Variants in MCTP1 observed in about 807,000 individuals in gnomAD.
The protein encoded by MCTP1 is multiple C2 and transmembrane domain-containing protein 1.
In MCTP1, 69 loss-of-function variants were observed where a neutral mutation model predicts 120.6. That is an observed-to-expected ratio of 0.57 (90% CI 0.47 to 0.70). The LOEUF is 0.70. MCTP1 is among the 30% of genes least tolerant of loss of function. The pLI is 0.00. For missense variants in MCTP1, 1,203 were observed against 1,248.8 expected (o/e 0.96, Z 0.55); for synonymous variants, 529 against 493.1 (o/e 1.07, Z -0.96).
chr5:94,721,379 A>G (rs904227048), intron 19 of MCTP1, among the ~76,000 whole-genome samples: 4 of 152,206 alleles, frequency 2.6e-5, no homozygotes, highest in African/African-American at 9.6e-5. Flanking sequence ...CCAAGTGCTG[A>G]TGTATGATTA....
Position 95,284,600 on chromosome 5 carries a change from C to CCCTCCTCCT in MCTP1, c.-34_-26dup, listed in dbSNP as rs61185942. On this transcript the variant is annotated 5_prime_UTR_variant, in exon 1 of 23. Transcript: ENST00000515393. This position sits in a 1 kb window ranked among gnomAD's most constrained non-coding sequence, Gnocchi z 5.2. ...TCCTCCACCCCCTGCTCCTCCTCTC[C>CCCTCCTCCT]CCTCCTCCTCCTCCTCCTCCTCCTG... 15 of 1,372,340 alleles carry CCCTCCTCCT rather than the reference C, an allele frequency of 1.1e-5. No homozygotes were observed. Among genetic ancestry groups the CCCTCCTCCT allele is most frequent in the African/African-American group, 3.1e-5 (2 of 63,728 alleles). 85.0% of individuals were successfully genotyped at this position (1,372,340 alleles called of 1,614,324 possible).
intron 1 of MCTP1, among the ~76,000 whole-genome samples, chr5:95,179,981 A>C (rs1393309858): frequency 6.6e-6 from 1 of 152,198 alleles, no homozygotes; most frequent in East Asian, 1.9e-4. Flanking sequence ...ACCAAAAGCA[A>C]GCAGGAGTAG....
At chr5:95,118,828 A>G (rs1758002428) in intron 1 of MCTP1, among the ~76,000 whole-genome samples, 1 of 152,242 alleles carries the variant, frequency 6.6e-6, no homozygotes, top group South Asian at 2.1e-4. Context: ...AATTCAGCAC[A>G]ATATTTAACA....
intron 19 of MCTP1, among the ~76,000 whole-genome samples, chr5:94,743,763 G>A (rs937221088): frequency 2.0e-5 from 3 of 150,016 alleles, no homozygotes; most frequent in South Asian, 2.1e-4. Context: ...TCAGCCTCCC[G>A]AGTAGCTGGG....
intron 2 of MCTP1, among the ~76,000 whole-genome samples, chr5:94,987,749 C>A (rs1201497733): frequency 3.3e-5 from 5 of 152,148 alleles, no homozygotes; most frequent in African/African-American, 1.2e-4. Flanking sequence ...TTCACTTCAT[C>A]ACTTTTTTAG....
At chr5:94,800,567 G>A (rs1448327399) in intron 17 of MCTP1, among the ~76,000 whole-genome samples, 1 of 152,078 alleles carries the variant, frequency 6.6e-6, no homozygotes, top group East Asian at 1.9e-4. Flanking sequence ...AGGAGACCAA[G>A]GTTCTGAGTT....
chr5:94,987,158 C>A (rs550568158), intron 2 of MCTP1, among the ~76,000 whole-genome samples: 1 of 152,240 alleles, frequency 6.6e-6, no homozygotes, highest in South Asian at 2.1e-4. Flanking sequence ...ATGGGAAAGG[C>A]TAACTGTGTT....
In MCTP1 at chr5:95,284,429, G is replaced by A. The variant is rs1427603724; in HGVS notation, c.147C>T (p.Arg49=). Residue 49 remains arginine (R), a synonymous_variant, in exon 1 of 23, where the codon CGC becomes CGT. Coordinates refer to ENST00000515393, the MANE Select transcript of MCTP1 (RefSeq NM_024717.7). This position sits in a 1 kb window ranked among gnomAD's most constrained non-coding sequence, Gnocchi z 5.2. The part of the protein sequence containing the change: ...GGGRAGGPER[R]TADTPSPSPP... ...GGGAGGGCGACGGGGTGTCCGCAGT[G>A]CGGCGCTCTGGACCCCCAGCGCGCC... The A allele has an allele frequency of 3.9e-6, 6 of 1,552,556 alleles. No individual in the cohort carries two copies. In the Admixed American group the frequency reaches 7.4e-5, roughly 19 times the overall value.
In MCTP1 at chr5:95,284,926, C is replaced by A. The variant is rs1257168556; in HGVS notation, c.-351G>T. Among the ~76,000 whole-genome samples the A allele has an allele frequency of 6.6e-6, 1 of 152,144 alleles. No homozygotes were observed. Among genetic ancestry groups the A allele is most frequent in the East Asian group, 1.9e-4 (1 of 5,162 alleles). Reference sequence around the variant, plus strand: ...CCACTGGCGTCCCCCAGGCCGCGCCCTGGCTCCCTCTTCTCTCTGACCGAG... The same window carrying A: ...CCACTGGCGTCCCCCAGGCCGCGCCATGGCTCCCTCTTCTCTCTGACCGAG... On this transcript the variant is annotated 5_prime_UTR_variant, in exon 1 of 23. It adds an upstream start codon to the 5' untranslated region. Coordinates refer to ENST00000515393, the MANE Select transcript of MCTP1 (RefSeq NM_024717.7). This position sits in a 1 kb window ranked among gnomAD's most constrained non-coding sequence, Gnocchi z 5.2.
intron 17 of MCTP1, among the ~76,000 whole-genome samples, chr5:94,829,840 A>G (rs1299915130): frequency 1.3e-5 from 2 of 152,148 alleles, no homozygotes; most frequent in African/African-American, 4.8e-5. Context: ...TTTTTCTTGA[A>G]GGTTCAGCCC....
At chr5:95,063,075 C>T (rs1298825492) in intron 1 of MCTP1, among the ~76,000 whole-genome samples, 1 of 152,198 alleles carries the variant, frequency 6.6e-6, no homozygotes, top group Admixed American at 6.5e-5. Context: ...GCCTCGGCCT[C>T]CCAAAGTGCT....
At chr5:95,199,342 G>C (rs1750742529) in intron 1 of MCTP1, among the ~76,000 whole-genome samples, 1 of 152,048 alleles carries the variant, frequency 6.6e-6, no homozygotes, top group Admixed American at 6.5e-5. Flanking sequence ...GAATACATAT[G>C]ATAAAGGCTT....
intron 1 of MCTP1, among the ~76,000 whole-genome samples, chr5:95,242,288 A>G (rs1002616010): frequency 6.6e-6 from 1 of 152,168 alleles, no homozygotes; most frequent in African/African-American, 2.4e-5. Flanking sequence ...TACAAAGTGG[A>G]AAACTATTAT....
At chr5:94,991,209 A>G (rs1831493244) in intron 2 of MCTP1, among the ~76,000 whole-genome samples, 1 of 152,196 alleles carries the variant, frequency 6.6e-6, no homozygotes, top group Admixed American at 6.5e-5. Context: ...AATTTTCTGC[A>G]TTACTGATAC....
chr5:95,151,814 C>A (rs1046974066), intron 1 of MCTP1, among the ~76,000 whole-genome samples: 3 of 152,208 alleles, frequency 2.0e-5, no homozygotes, highest in Admixed American at 2.0e-4. Context: ...TTCCTCTCTG[C>A]TTCATCCTTT....
intron 1 of MCTP1, among the ~76,000 whole-genome samples, chr5:95,257,460 C>T (rs1031639850): frequency 2.0e-5 from 3 of 152,166 alleles, no homozygotes; most frequent in African/African-American, 7.2e-5. Flanking sequence ...TCCCACAACT[C>T]TTTGATAAAT....
At chr5:95,244,750 T>G (rs977247266) in intron 1 of MCTP1, among the ~76,000 whole-genome samples, 2 of 152,168 alleles carry the variant, frequency 1.3e-5, no homozygotes. Context: ...ATTCCACCTC[T>G]GGGGGCAGGG....
chr5:94,725,090 G>A (rs541676947), intron 19 of MCTP1, among the ~76,000 whole-genome samples: 2 of 152,170 alleles, frequency 1.3e-5, no homozygotes, highest in Non-Finnish European at 2.9e-5. Flanking sequence ...TTTGAAATGT[G>A]AAAGCACGTG....
chr5:95,028,084 A>G, intron 1 of MCTP1, among the ~76,000 whole-genome samples: 1 of 152,202 alleles, frequency 6.6e-6, no homozygotes, highest in East Asian at 1.9e-4. Flanking sequence ...TAAGTAAGGA[A>G]AAACTTCATG....
Sources: allele counts gnomAD v4.1 joint callset (sites outside exome capture counted in the v4.1 genomes callset), GRCh38; gene constraint gnomAD v4.1.1; non-coding constraint Gnocchi (gnomAD v3.1); transcripts MANE v1.5; gene names NCBI Gene and HGNC (gene_info 2026-07-23, HGNC 2026-07-21).